TSGA10: variants seen among roughly 807,000 people sequenced by gnomAD.
TSGA10 encodes the protein testis-specific gene 10 protein.
In TSGA10, 43 loss-of-function variants were observed where a neutral mutation model predicts 96.6. The observed-to-expected ratio is 0.44, with a 90% CI of 0.35 to 0.57. The LOEUF (loss-of-function observed/expected upper bound fraction) is 0.57, where lower values mean the gene tolerates loss of function less well. Among genes scored for constraint, TSGA10 ranks in the 20% least tolerant of loss-of-function variants. The pLI, the probability that TSGA10 is intolerant of heterozygous loss-of-function variation, is 0.01. For missense variants in TSGA10, 703 were observed against 834.4 expected (o/e 0.84, Z 1.94); for synonymous variants, 229 against 269.9 (o/e 0.85, Z 1.48).
At chr2:99,111,240 G>A (rs1329051233) in intron 4 of TSGA10, among the ~76,000 whole-genome samples, 1 of 152,032 alleles carries the variant, frequency 6.6e-6, no homozygotes, top group Non-Finnish European at 1.5e-5. Context: ...ATAAAAGAAT[G>A]ACTAGAATAA....
intron 1 of TSGA10, among the ~76,000 whole-genome samples, chr2:99,144,380 G>A (rs2093610317): frequency 1.3e-5 from 2 of 151,234 alleles, no homozygotes; most frequent in Admixed American, 1.3e-4. Flanking sequence ...AAAGTTCCAG[G>A]CAATGTCCAT....
intron 1 of TSGA10, among the ~76,000 whole-genome samples, chr2:99,131,440 G>A (rs890565047): frequency 2.6e-5 from 4 of 152,082 alleles, no homozygotes; most frequent in Non-Finnish European, 4.4e-5. Flanking sequence ...CTGGTGTATA[G>A]GAATGCTTCT....
intron 4 of TSGA10, among the ~76,000 whole-genome samples, chr2:99,116,687 G>GT (rs1373021856): frequency 1.3e-5 from 2 of 150,990 alleles, no homozygotes; most frequent in African/African-American, 2.4e-5. Flanking sequence ...TCAGACATCA[G>GT]TAAGAAAAAA....
intron 20 of TSGA10, among the ~76,000 whole-genome samples, chr2:99,001,338 C>T (rs2077888748): frequency 6.6e-6 from 1 of 152,168 alleles, no homozygotes; most frequent in African/African-American, 2.4e-5. Context: ...CCGAGGCAAA[C>T]AGGATCTGGA....
rs1382665142 is a variant in TSGA10, at chr2:99,117,767, T to A, written c.-355-8A>T. ...CTGTTTGAGATCTTCAATCTGTTATTATCAGAAAAAAAATCACATTAAAAT... is the reference window on the plus strand; with the variant it reads ...CTGTTTGAGATCTTCAATCTGTTATAATCAGAAAAAAAATCACATTAAAAT... On this transcript the variant is annotated splice_region_variant and splice_polypyrimidine_tract_variant and intron_variant, in intron 3 of 20. Coordinates refer to ENST00000393483, the MANE Select transcript of TSGA10 (RefSeq NM_025244.4). 1.0e-6 allele frequency: 1 copy of A among 982,516 alleles called. No homozygotes were observed. The highest frequency in any genetic ancestry group is 6.2e-5 in the Admixed American group (1 of 16,248). 60.9% of individuals were successfully genotyped at this position (982,516 alleles called of 1,614,324 possible).
At chr2:99,087,852 T>C (rs958699537) in intron 10 of TSGA10, among the ~76,000 whole-genome samples, 2 of 151,738 alleles carry the variant, frequency 1.3e-5, no homozygotes, top group Non-Finnish European at 2.9e-5. Context: ...AAATGAGCAA[T>C]AGAACTGAAC....
In TSGA10 at chr2:99,110,852, A is replaced by T; in HGVS notation, c.-76T>A. On this transcript the variant is annotated splice_region_variant and 5_prime_UTR_variant, in exon 5 of 21. Transcript: ENST00000393483. ...ATATTTATGAAAAATGTACTTACAG[A>T]TTTAAGCCTTTTTATTGTATCTTCC... 1 of 717,752 alleles carries T rather than the reference A, an allele frequency of 1.4e-6. No homozygotes were observed. The highest frequency in any genetic ancestry group is 1.7e-6 in the Non-Finnish European group (1 of 585,292). 44.5% of individuals were successfully genotyped at this position (717,752 alleles called of 1,614,324 possible).
chr2:99,126,907 T>C (rs1050617652), intron 2 of TSGA10, 141 bp downstream of exon 2: 116 of 734,872 alleles, frequency 1.6e-4, no homozygotes, highest in Non-Finnish European at 2.0e-4. Flanking sequence ...TCAAAATGGT[T>C]AAGATAAAAA....
chr2:99,139,620 A>C (rs1252570570), intron 1 of TSGA10, among the ~76,000 whole-genome samples: 1 of 152,220 alleles, frequency 6.6e-6, no homozygotes, highest in Admixed American at 6.5e-5. Flanking sequence ...AATAATTCTG[A>C]GAGAGTATTT....
intron 16 of TSGA10, among the ~76,000 whole-genome samples, chr2:99,056,435 T>C (rs1421011588): frequency 6.6e-6 from 1 of 152,128 alleles, no homozygotes; most frequent in East Asian, 1.9e-4. Context: ...AACAACTGTA[T>C]GCCAATAAAT....
At chr2:99,003,965 A>G (rs570314233) in intron 20 of TSGA10, among the ~76,000 whole-genome samples, 20 of 152,320 alleles carry the variant, frequency 1.3e-4, no homozygotes, top group Middle Eastern at 6.8e-3. Context: ...AACTGAAGGA[A>G]ATAGAGACAT....
At position 99,055,022 on chromosome 2, in the gene TSGA10, G is replaced by A. The variant is rs188611333; in HGVS notation, c.1404+9917C>T. 5.8e-3 allele frequency among the ~76,000 whole-genome samples: 877 copies of A among 152,224 alleles called. 5 individuals carry two copies. Among genetic ancestry groups the A allele is most frequent in the South Asian group, 0.011 (53 of 4,822 alleles). On this transcript the variant is annotated intron_variant, in intron 16 of 20. Transcript: ENST00000393483. ...CCCACTTCTGGATATACATCCAAAG[G>A]AAATGAAATCAGTATGTCAAAAAGA...
intron 16 of TSGA10, among the ~76,000 whole-genome samples, chr2:99,041,567 A>T (rs775025601): frequency 2.6e-5 from 4 of 152,220 alleles, no homozygotes; most frequent in African/African-American, 4.8e-5. Context: ...GCAAACAAAA[A>T]CATAAAGTGG....
chr2:99,013,872 G>A (rs964397502), intron 20 of TSGA10, among the ~76,000 whole-genome samples: 1 of 151,846 alleles, frequency 6.6e-6, no homozygotes, highest in Admixed American at 6.6e-5. Flanking sequence ...AAAAATTAAG[G>A]CTGGGCGCAG....
At chr2:99,055,249 A>C (rs1220276848) in intron 16 of TSGA10, among the ~76,000 whole-genome samples, 1 of 152,202 alleles carries the variant, frequency 6.6e-6, no homozygotes, top group Non-Finnish European at 1.5e-5. Context: ...AAGTGAGATA[A>C]GCCAGGCACA....
intron 11 of TSGA10, among the ~76,000 whole-genome samples, chr2:99,080,397 T>C (rs995629428): frequency 1.3e-5 from 2 of 152,318 alleles, no homozygotes; most frequent in South Asian, 4.1e-4. Context: ...CTTTGGCTTC[T>C]TGTTACTCAG....
chr2:99,047,982 G>A (rs1348160568), intron 16 of TSGA10, among the ~76,000 whole-genome samples: 7 of 152,148 alleles, frequency 4.6e-5, no homozygotes, highest in African/African-American at 1.7e-4. Context: ...TTGCTTCAAA[G>A]AGAATAAAAT....
At chr2:99,131,596 T>C (rs2093088526) in intron 1 of TSGA10, among the ~76,000 whole-genome samples, 1 of 152,156 alleles carries the variant, frequency 6.6e-6, no homozygotes, top group Admixed American at 6.5e-5. Context: ...CTCTTCCTAT[T>C]TGAATACCCC....
At chr2:99,070,091 A>G (rs188204641) in intron 14 of TSGA10, among the ~76,000 whole-genome samples, 2 of 152,214 alleles carry the variant, frequency 1.3e-5, no homozygotes, top group African/African-American at 4.8e-5. Flanking sequence ...CGAAGAAAAA[A>G]CTACTTTTGA....
Sources: gnomAD v4.1 joint callset for allele counts (sites outside exome capture counted in the v4.1 genomes callset) on GRCh38, gnomAD v4.1.1 for gene constraint, MANE v1.5 for transcripts, NCBI Gene and HGNC (gene_info 2026-07-23, HGNC 2026-07-21) for gene names.